CACNA2D4: variants seen among roughly 807,000 people sequenced by gnomAD.
The protein encoded by CACNA2D4 is calcium voltage-gated channel auxiliary subunit alpha2delta 4.
A neutral mutation model predicts 163.8 loss-of-function variants in CACNA2D4; 157 were observed. The observed-to-expected ratio is 0.96, with a 90% CI of 0.84 to 1.09. CACNA2D4 has a LOEUF of 1.09. Among genes scored for constraint, CACNA2D4 ranks in the 50% least tolerant of loss-of-function variants. CACNA2D4 has a pLI of 0.00. For synonymous variants in CACNA2D4, 598 were observed against 586.9 expected, an observed-to-expected ratio of 1.02 and a Z score of -0.27; for missense variants, 1,410 against 1,479.9, an observed-to-expected ratio of 0.95 and a Z score of 0.78.
At chr12:1,855,851 C>T (rs1231878416) in intron 22 of CACNA2D4, among the ~76,000 whole-genome samples, 161 bp downstream of exon 22, 1 of 152,194 alleles carries the variant, frequency 6.6e-6, no homozygotes, top group Non-Finnish European at 1.5e-5. Flanking sequence ...GCTGGCTATG[C>T]CTTTTTCTTT....
intron 26 of CACNA2D4, among the ~76,000 whole-genome samples, chr12:1,819,542 CT>C (rs1352822063): frequency 2.6e-5 from 4 of 152,164 alleles, no homozygotes; most frequent in Non-Finnish European, 2.9e-5. Context: ...GGTGCTTCAT[CT>C]GTCTACAGGC....
intron 35 of CACNA2D4, 51 bp downstream of exon 35, chr12:1,797,367 C>G (rs912194861): frequency 5.9e-6 from 8 of 1,357,558 alleles, no homozygotes; most frequent in Non-Finnish European, 6.1e-6. Flanking sequence ...TCCGCCTTGC[C>G]GAGGGCGGGA....
chr12:1,824,022 TC>T (rs1287854512), intron 26 of CACNA2D4, among the ~76,000 whole-genome samples: 3 of 152,172 alleles, frequency 2.0e-5, no homozygotes, highest in East Asian at 1.9e-4. Context: ...TGCCTCAGTT[TC>T]CCCCATCTGC....
rs150730506 is a variant in CACNA2D4, at chr12:1,910,304, A to G, written c.427-339T>C. ...GGTTGGGGATTTTTAGGGCAGTGAA[A>G]TTCTTTTGTCTGATACTGTAATAGT... On this transcript the variant is annotated intron_variant, in intron 3 of 37. Coordinates refer to ENST00000382722, the MANE Select transcript of CACNA2D4 (RefSeq NM_172364.5). 2.0e-4 allele frequency among the ~76,000 whole-genome samples: 31 copies of G among 152,344 alleles called. 1 individual carries two copies. In the East Asian group the frequency reaches 5.8e-3, roughly 28 times the overall value.
chr12:1,829,683 C>T lies in CACNA2D4; in HGVS notation c.2551+11056G>A, dbSNP rs1371964879. Among the ~76,000 whole-genome samples the T allele has an allele frequency of 6.7e-6, 1 of 149,954 alleles. No homozygotes were observed. The highest frequency in any genetic ancestry group is 1.5e-5 in the Non-Finnish European group (1 of 67,384). On this transcript the variant is annotated intron_variant, in intron 26 of 37. Coordinates refer to ENST00000382722, the MANE Select transcript of CACNA2D4 (RefSeq NM_172364.5). The surrounding 1 kb of genome is among the most constrained non-coding windows in gnomAD (Gnocchi z 4.2). The stretch of plus-strand genomic sequence containing the variant: ...CTCAAGGCTGTTCAGACCCAGCTCA[C>T]AGCCCATCGGCCCACCCCGACCTGG...
intron 26 of CACNA2D4, among the ~76,000 whole-genome samples, chr12:1,818,064 G>A (rs1347848981): frequency 3.4e-5 from 5 of 145,214 alleles, no homozygotes; most frequent in East Asian, 2.1e-4. Flanking sequence ...GCCGCCCATC[G>A]TCTGAGATGT....
chr12:1,887,665 G>C (rs12300820), intron 6 of CACNA2D4, among the ~76,000 whole-genome samples: 22,754 of 152,214 alleles, frequency 0.15, 2,337 homozygotes, highest in African/African-American at 0.28. Flanking sequence ...GTAGCAGAAT[G>C]CTGGTGTAGA....
chr12:1,834,189 T>G lies in CACNA2D4; in HGVS notation c.2551+6550A>C. The G allele has an allele frequency of 1.4e-6, 2 of 1,481,024 alleles. No homozygotes were observed. 91.7% of individuals were successfully genotyped at this position (1,481,024 alleles called of 1,614,324 possible). On this transcript the variant is annotated intron_variant, in intron 26 of 37. Coordinates refer to ENST00000382722, the MANE Select transcript of CACNA2D4 (RefSeq NM_172364.5). This position sits in a 1 kb window ranked among gnomAD's most constrained non-coding sequence, Gnocchi z 7.6. ...AAAACTACCTTCTGGGGCTTCCGTT[T>G]TGGGGAGCTGGGGATGGGGAGAGGG...
rs545286881 is a variant in CACNA2D4, at chr12:1,843,133, A to G, written c.2470+1269T>C. On this transcript the variant is annotated intron_variant, in intron 25 of 37. Transcript: ENST00000382722. This position sits in a 1 kb window ranked among gnomAD's most constrained non-coding sequence, Gnocchi z 4.6. ...CACGTGGAAAATTGTTTTGTGAAGC[A>G]TAGTAGTTATTTGCACGTGTGTGGA... is the stretch of plus-strand genomic sequence containing the variant. Among the ~76,000 whole-genome samples, 3 of 152,300 alleles carry G rather than the reference A, an allele frequency of 2.0e-5. No homozygotes were observed. The highest frequency in any genetic ancestry group is 3.9e-4 in the East Asian group (2 of 5,172).
At chr12:1,831,190 C>T in intron 26 of CACNA2D4, 1 of 1,613,920 alleles carries the variant, frequency 6.2e-7, no homozygotes, top group Non-Finnish European at 8.5e-7. Flanking sequence ...GACCGGCTGC[C>T]CCGCTCCATT....
chr12:1,878,379 T>C lies in CACNA2D4; in HGVS notation c.1655A>G (p.His552Arg), dbSNP rs1444437791. The C allele has an allele frequency of 6.2e-7, 1 of 1,604,498 alleles. No individual in the cohort carries two copies. The highest frequency in any genetic ancestry group is 8.5e-7 in the Non-Finnish European group (1 of 1,175,724). Residue 552 changes from histidine to arginine, a missense_variant, in exon 16 of 38, where the codon CAC becomes CGC. Physicochemically the swap from His to Arg is conservative, Grantham distance 29 (BLOSUM62 0). Coordinates refer to ENST00000382722, the MANE Select transcript of CACNA2D4 (RefSeq NM_172364.5). The surrounding 1 kb of genome is among the most constrained non-coding windows in gnomAD (Gnocchi z 4.6). Reference protein sequence around the residue: ...KLAPRYKLGVHGYAFLNTNNG... With the variant: ...KLAPRYKLGVRGYAFLNTNNG... ...GTTGGTGTTCAGAAAGGCGTATCCG[T>C]GCACTCCAAGCTGCCAGAGTCCAGG...
At position 1,793,391 on chromosome 12, in the gene CACNA2D4, A is replaced by T; in HGVS notation, c.*264T>A. ...GCTGGCTTCCCGAAGAGGAGACAGG[A>T]AGGTTAGGTCAGAAGTATGCTCATG... On this transcript the variant is annotated 3_prime_UTR_variant, in exon 38 of 38. Coordinates refer to ENST00000382722, the MANE Select transcript of CACNA2D4 (RefSeq NM_172364.5). 1.8e-6 allele frequency: 1 copy of T among 541,148 alleles called. No homozygotes were observed. The highest frequency in any genetic ancestry group is 3.3e-6 in the Non-Finnish European group (1 of 301,878). 33.5% of individuals were successfully genotyped at this position (541,148 alleles called of 1,614,324 possible).
Position 1,793,578 on chromosome 12 carries a change from A to G in CACNA2D4, c.*77T>C. 2 of 1,306,852 alleles carry G rather than the reference A, an allele frequency of 1.5e-6. No homozygotes were observed. The highest frequency in any genetic ancestry group is 2.2e-6 in the Non-Finnish European group (2 of 903,466). 81.0% of individuals were successfully genotyped at this position (1,306,852 alleles called of 1,614,324 possible). A position where few individuals can be genotyped will look rare whatever the true frequency, so the allele number is the denominator to read the frequency against. ...GGGCGACCCAACTGCAGTTAGCTGC[A>G]TCCCATGTCAGTGCTGACTTTTTGG... On this transcript the variant is annotated 3_prime_UTR_variant, in exon 38 of 38. Coordinates refer to ENST00000382722, the MANE Select transcript of CACNA2D4 (RefSeq NM_172364.5).
In CACNA2D4 at chr12:1,874,287, A is replaced by G. The variant is rs1489876985; in HGVS notation, c.1878+317T>C. Among the ~76,000 whole-genome samples, 3 of 152,160 alleles carry G rather than the reference A, an allele frequency of 2.0e-5. No individual in the cohort carries two copies. Among genetic ancestry groups the G allele is most frequent in the Admixed American group, 1.3e-4 (2 of 15,280 alleles). On this transcript the variant is annotated intron_variant, in intron 18 of 37. Transcript: ENST00000382722. This position sits in a 1 kb window ranked among gnomAD's most constrained non-coding sequence, Gnocchi z 4.4. ...ATCAGCTGTCACGTTTCCCCTTTTC[A>G]TTATAAACAACAAAAGGGCCAGTAG...
At chr12:1,860,227 A>T in intron 18 of CACNA2D4, 21 bp from the exon 19 acceptor site, 1 of 1,607,036 alleles carries the variant, frequency 6.2e-7, no homozygotes, top group South Asian at 1.1e-5. Flanking sequence ...AGACAAGGAA[A>T]GAGTGCTCAC....
At chr12:1,811,454 C>T (rs1279253511) in intron 27 of CACNA2D4, among the ~76,000 whole-genome samples, 1 of 152,200 alleles carries the variant, frequency 6.6e-6, no homozygotes, top group Non-Finnish European at 1.5e-5. Context: ...CTGGGTCGTG[C>T]CCTCAGCACT....
chr12:1,916,358 C>A (rs1866979607), intron 1 of CACNA2D4, among the ~76,000 whole-genome samples: 1 of 152,160 alleles, frequency 6.6e-6, no homozygotes, highest in Non-Finnish European at 1.5e-5. Flanking sequence ...TTGAAAGACA[C>A]AAATCTGAAT....
intron 26 of CACNA2D4, 167 bp from the exon 27 acceptor site, chr12:1,811,890 T>G (rs1163347510): frequency 6.1e-4 from 328 of 541,370 alleles, no homozygotes; most frequent in Non-Finnish European, 7.8e-4. Flanking sequence ...TTCTGGGGAG[T>G]GGGAGGGGTG....
Position 1,799,696 on chromosome 12 carries a change from C to A in CACNA2D4, c.2975-1G>T. On this transcript the variant is annotated splice_acceptor_variant, in intron 33 of 37. Coordinates refer to ENST00000382722, the MANE Select transcript of CACNA2D4 (RefSeq NM_172364.5). LOFTEE classifies it high-confidence loss of function. The surrounding 1 kb of genome is among the most constrained non-coding windows in gnomAD (Gnocchi z 4.7). The stretch of plus-strand genomic sequence containing the variant: ...TTACAGTGATGGAAGACACTTTTGG[C>A]TGGCCGGAACATAAGCCCAGCACAG... The A allele has an allele frequency of 6.4e-7, 1 of 1,571,134 alleles. No individual in the cohort carries two copies.
Sources: allele counts gnomAD v4.1 joint callset (sites outside exome capture counted in the v4.1 genomes callset), GRCh38; gene constraint gnomAD v4.1.1; non-coding constraint Gnocchi (gnomAD v3.1); transcripts MANE v1.5; gene names NCBI Gene and HGNC (gene_info 2026-07-23, HGNC 2026-07-21).